Variants in HS3ST4 observed in about 807,000 individuals in gnomAD.
The protein encoded by HS3ST4 is heparan sulfate-glucosamine 3-sulfotransferase 4.
HS3ST4 carries 17 observed loss-of-function variants against 29.2 expected under a neutral mutation model. That is an observed-to-expected ratio of 0.58 (90% confidence interval 0.40 to 0.87). The LOEUF (loss-of-function observed/expected upper bound fraction) is 0.87, where lower values mean the gene tolerates loss of function less well. Among genes scored for constraint, HS3ST4 ranks in the 40% least tolerant of loss-of-function variants. The pLI, the probability that HS3ST4 is intolerant of heterozygous loss-of-function variation, is 0.00. For missense variants in HS3ST4, 627 were observed against 634.5 expected (o/e 0.99, Z 0.13); for synonymous variants, 314 against 285.7 (o/e 1.10, Z -1.00).
intron 1 of HS3ST4, among the ~76,000 whole-genome samples, chr16:26,112,889 C>A (rs936713440): frequency 7.5e-6 from 1 of 132,950 alleles, no homozygotes; most frequent in Non-Finnish European, 1.6e-5. Flanking sequence ...TTGCTACAAG[C>A]ATTTTGGAAA....
At chr16:26,042,527 TG>T (rs1969644736) in intron 1 of HS3ST4, among the ~76,000 whole-genome samples, 1 of 152,248 alleles carries the variant, frequency 6.6e-6, no homozygotes, top group Non-Finnish European at 1.5e-5. Context: ...TCCTTTTAGT[TG>T]TTGATGGCGT....
chr16:26,007,390 G>A (rs61498569), intron 1 of HS3ST4, among the ~76,000 whole-genome samples: 20,776 of 152,148 alleles, frequency 0.14, 1,515 homozygotes, highest in South Asian at 0.18. Flanking sequence ...AGGATCATAC[G>A]GAAGTGGATT....
chr16:25,987,477 T>C (rs894806966), intron 1 of HS3ST4, among the ~76,000 whole-genome samples: 7 of 152,166 alleles, frequency 4.6e-5, no homozygotes, highest in African/African-American at 7.2e-5. Flanking sequence ...GATGAGAAAA[T>C]TGAATTCCAA....
chr16:25,693,225 C>T (rs910904874), intron 1 of HS3ST4, 74 bp downstream of exon 1: 2 of 1,432,608 alleles, frequency 1.4e-6, no homozygotes. Flanking sequence ...GCTTTCCACG[C>T]CCTTCGAGCA....
At chr16:25,704,017 T>A (rs1435061621) in intron 1 of HS3ST4, among the ~76,000 whole-genome samples, 1 of 152,222 alleles carries the variant, frequency 6.6e-6, no homozygotes, top group Admixed American at 6.5e-5. Context: ...CAGAAATCGA[T>A]CTTGTCCATT....
intron 1 of HS3ST4, among the ~76,000 whole-genome samples, chr16:25,926,281 C>G (rs1276764540): frequency 6.6e-6 from 1 of 152,210 alleles, no homozygotes; most frequent in African/African-American, 2.4e-5. Context: ...ATTCACCTCT[C>G]CGAACACTGG....
At chr16:25,723,366 T>G (rs1966509905) in intron 1 of HS3ST4, among the ~76,000 whole-genome samples, 1 of 152,226 alleles carries the variant, frequency 6.6e-6, no homozygotes, top group South Asian at 2.1e-4. Context: ...GTATGTTCCT[T>G]TAGCATGTAT....
intron 1 of HS3ST4, among the ~76,000 whole-genome samples, chr16:25,718,381 T>TA (rs1452728231): frequency 6.6e-6 from 1 of 152,122 alleles, no homozygotes; most frequent in African/African-American, 2.4e-5. Context: ...GAACGGGACT[T>TA]ACCTTTAGAG....
intron 1 of HS3ST4, among the ~76,000 whole-genome samples, chr16:26,100,094 A>G (rs983865475): frequency 2.6e-5 from 4 of 152,116 alleles, no homozygotes; most frequent in Non-Finnish European, 5.9e-5. Flanking sequence ...TGTGAATGTG[A>G]TGGACATACA....
intron 1 of HS3ST4, among the ~76,000 whole-genome samples, chr16:25,917,084 A>G (rs1968300577): frequency 6.6e-6 from 1 of 152,156 alleles, no homozygotes; most frequent in South Asian, 2.1e-4. Context: ...CTAAATCTCT[A>G]AAAAAGAAGT....
At chr16:25,882,425 G>A (rs1429655048) in intron 1 of HS3ST4, among the ~76,000 whole-genome samples, 3 of 152,144 alleles carry the variant, frequency 2.0e-5, no homozygotes, top group Non-Finnish European at 2.9e-5. Flanking sequence ...GAAGGCAGGG[G>A]AGCAGAGGGC....
intron 1 of HS3ST4, among the ~76,000 whole-genome samples, chr16:25,818,892 TAGAGAC>T (rs1293947404): frequency 1.3e-5 from 2 of 152,118 alleles, no homozygotes; most frequent in African/African-American, 4.8e-5. Flanking sequence ...GATTCAGAGA[TAGAGAC>T]AGAGAGGCTA....
chr16:26,007,610 T>C (rs1969270028), intron 1 of HS3ST4, among the ~76,000 whole-genome samples: 1 of 152,210 alleles, frequency 6.6e-6, no homozygotes, highest in African/African-American at 2.4e-5. Context: ...TTCCGTTCAG[T>C]TACCTGCTTA....
chr16:25,837,494 G>T (rs1282170867), intron 1 of HS3ST4, among the ~76,000 whole-genome samples: 2 of 152,158 alleles, frequency 1.3e-5, no homozygotes, highest in East Asian at 3.8e-4. Flanking sequence ...GAATAAGAAC[G>T]CTTTCTCATG....
At chr16:26,013,546 TTTTA>T (rs1969332195) in intron 1 of HS3ST4, among the ~76,000 whole-genome samples, 1 of 152,318 alleles carries the variant, frequency 6.6e-6, no homozygotes, top group Non-Finnish European at 1.5e-5. Flanking sequence ...ATGCTTAAAT[TTTTA>T]TTTAAGTGCC....
rs576663219 is a variant in HS3ST4, at chr16:25,772,176, A to G, written c.734+79025A>G. Among the ~76,000 whole-genome samples, 5 of 152,342 alleles carry G rather than the reference A, an allele frequency of 3.3e-5. No individual in the cohort carries two copies. The East Asian group carries it at 7.7e-4, about 24-fold the overall frequency. ...CTTATTGTAGAGTATTCTTGTCATG[A>G]CAAGTACTGAAAGATGGTATTTGGG... is the stretch of plus-strand genomic sequence containing the variant. On this transcript the variant is annotated intron_variant, in intron 1 of 1. Transcript: ENST00000331351.
chr16:25,827,033 T>C (rs1331267878), intron 1 of HS3ST4, among the ~76,000 whole-genome samples: 1 of 152,146 alleles, frequency 6.6e-6, no homozygotes, highest in Non-Finnish European at 1.5e-5. Flanking sequence ...CACTTTATTA[T>C]ATGGACTCAA....
At chr16:26,043,705 T>C (rs1351335061) in intron 1 of HS3ST4, among the ~76,000 whole-genome samples, 1 of 152,202 alleles carries the variant, frequency 6.6e-6, no homozygotes, top group Non-Finnish European at 1.5e-5. Flanking sequence ...AATCTTCCCT[T>C]ATGAACTGGC....
At chr16:25,920,463 T>C (rs1330379480) in intron 1 of HS3ST4, among the ~76,000 whole-genome samples, 2 of 152,090 alleles carry the variant, frequency 1.3e-5, no homozygotes, top group African/African-American at 2.4e-5. Flanking sequence ...GAAGAATGAA[T>C]ACACTGGTCT....
Sources: gnomAD v4.1 joint callset for allele counts (sites outside exome capture counted in the v4.1 genomes callset) on GRCh38, gnomAD v4.1.1 for gene constraint, MANE v1.5 for transcripts, NCBI Gene and HGNC (gene_info 2026-07-23, HGNC 2026-07-21) for gene names.